The following RORA variants were observed in gnomAD, a reference collection of about 807,000 sequenced individuals.
RORA encodes nuclear receptor ROR-alpha.
Under a neutral mutation model 69.5 loss-of-function variants are expected in RORA, and 7 were observed. The observed-to-expected ratio is 0.10, with a 90% confidence interval of 0.06 to 0.19. The LOEUF is 0.19. Among genes scored for constraint, RORA ranks in the 10% least tolerant of loss-of-function variants. The pLI, the probability that RORA is intolerant of heterozygous loss-of-function variation, is 1.00. For synonymous variants in RORA, 261 were observed against 240.8 expected (o/e 1.08, Z -0.78); for missense variants, 457 against 663.0 (o/e 0.69, Z 3.41).
chr15:60,842,027 C>T (rs1045502016), intron 1 of RORA, among the ~76,000 whole-genome samples: 4 of 152,048 alleles, frequency 2.6e-5, no homozygotes, highest in African/African-American at 7.2e-5. Flanking sequence ...ATCACGGATG[C>T]CTTCTCAAAA....
chr15:60,581,955 G>A, intron 2 of RORA, among the ~76,000 whole-genome samples: 1 of 152,086 alleles, frequency 6.6e-6, no homozygotes, highest in East Asian at 1.9e-4. Flanking sequence ...CAATTTCTTT[G>A]GGTTCCTGGC....
intron 1 of RORA, among the ~76,000 whole-genome samples, chr15:61,179,701 T>C (rs1360363005): frequency 6.6e-6 from 1 of 152,164 alleles, no homozygotes; most frequent in Non-Finnish European, 1.5e-5. Context: ...ATGGACAAAC[T>C]GATGGATTAA....
chr15:61,134,132 C>T (rs755606161), intron 1 of RORA, among the ~76,000 whole-genome samples: 6 of 152,134 alleles, frequency 3.9e-5, no homozygotes, highest in South Asian at 2.1e-4. Flanking sequence ...GGATGAGCAC[C>T]CTGATTTAGC....
At chr15:60,659,140 T>A (rs1191148795) in intron 2 of RORA, among the ~76,000 whole-genome samples, 26 of 152,348 alleles carry the variant, frequency 1.7e-4, no homozygotes, top group Non-Finnish European at 7.4e-5. Flanking sequence ...GGGGCCACAC[T>A]ACCTGAAATG....
At chr15:61,093,077 G>A (rs1186218674) in intron 1 of RORA, among the ~76,000 whole-genome samples, 1 of 152,094 alleles carries the variant, frequency 6.6e-6, no homozygotes, top group Non-Finnish European at 1.5e-5. Flanking sequence ...CGTTCTCCTG[G>A]ACTTCTGAAG....
In RORA at chr15:60,492,446, T is replaced by C. The variant is rs1372390378; in HGVS notation, c.*5009A>G. 6.6e-6 allele frequency: 1 copy of C among 152,188 alleles called. No individual in the cohort carries two copies. The highest frequency in any genetic ancestry group is 1.5e-5 in the Non-Finnish European group (1 of 68,010). 9.4% of individuals were successfully genotyped at this position (152,188 alleles called of 1,614,324 possible). On this transcript the variant is annotated 3_prime_UTR_variant, in exon 11 of 11. Coordinates refer to ENST00000335670, the MANE Select transcript of RORA (RefSeq NM_134261.3). ...ATGTAGAAGTAAGAATTGTTTTCCATGAAGGAATTTTTGGTTTGCTTCTAG... is the reference window on the plus strand; with the variant it reads ...ATGTAGAAGTAAGAATTGTTTTCCACGAAGGAATTTTTGGTTTGCTTCTAG...
chr15:60,521,818 T>C (rs1231548057), intron 3 of RORA, among the ~76,000 whole-genome samples: 2 of 152,204 alleles, frequency 1.3e-5, no homozygotes, highest in African/African-American at 4.8e-5. Flanking sequence ...AGTCCCTACA[T>C]ATCCACCTTT....
intron 2 of RORA, among the ~76,000 whole-genome samples, chr15:60,610,008 C>T (rs919370611): frequency 8.5e-5 from 13 of 152,090 alleles, no homozygotes; most frequent in East Asian, 1.9e-4. Flanking sequence ...AATTGCAGCT[C>T]GAGAGAGCCG....
At chr15:60,539,170 T>G (rs1330503816) in intron 2 of RORA, among the ~76,000 whole-genome samples, 1 of 152,196 alleles carries the variant, frequency 6.6e-6, no homozygotes, top group African/African-American at 2.4e-5. Flanking sequence ...GAATGTCCCA[T>G]CTGAATTAAG....
rs1407349984 is a variant in RORA, at chr15:60,963,421, T to A, written c.166+265632A>T. Among the ~76,000 whole-genome samples the A allele has an allele frequency of 2.6e-5, 4 of 152,196 alleles. No homozygotes were observed. The East Asian group carries it at 7.7e-4, about 29-fold the overall frequency. On this transcript the variant is annotated intron_variant, in intron 1 of 10. Transcript: ENST00000335670. The stretch of plus-strand genomic sequence containing the variant: ...TGATGGAGGTGGATGATGGAAGCAA[T>A]GGTTGAAAAGGGCCAAGTCTGCAGG...
At chr15:60,816,921 T>A (rs2072825885) in intron 1 of RORA, among the ~76,000 whole-genome samples, 1 of 152,192 alleles carries the variant, frequency 6.6e-6, no homozygotes, top group African/African-American at 2.4e-5. Context: ...TAAATGATAC[T>A]TTTTTCTGTT....
intron 1 of RORA, among the ~76,000 whole-genome samples, chr15:61,084,230 C>A (rs1196685134): frequency 6.6e-6 from 1 of 152,192 alleles, no homozygotes; most frequent in Non-Finnish European, 1.5e-5. Context: ...CTGTTTGGTT[C>A]TTTGGGAAAG....
intron 1 of RORA, among the ~76,000 whole-genome samples, chr15:61,116,926 C>A (rs1047226652): frequency 6.6e-6 from 1 of 152,140 alleles, no homozygotes; most frequent in African/African-American, 2.4e-5. Flanking sequence ...ATCTGGTTTA[C>A]GCTCACTTAA....
intron 1 of RORA, among the ~76,000 whole-genome samples, chr15:60,921,600 G>A (rs1376858059): frequency 2.0e-5 from 3 of 152,196 alleles, no homozygotes; most frequent in East Asian, 3.8e-4. Context: ...GGGTATAGGC[G>A]ATGTGTTCAC....
At chr15:61,008,337 G>A (rs1173506988) in intron 1 of RORA, among the ~76,000 whole-genome samples, 15 of 151,800 alleles carry the variant, frequency 9.9e-5, no homozygotes, top group Admixed American at 9.9e-4. Flanking sequence ...ACTTTATTGG[G>A]TTTAAGGGGG....
chr15:61,104,888 A>C (rs1450605128), intron 1 of RORA, among the ~76,000 whole-genome samples: 1 of 151,754 alleles, frequency 6.6e-6, no homozygotes, highest in Admixed American at 6.6e-5. Context: ...CCCATACTGA[A>C]CCATCTGATG....
At chr15:60,782,698 TAAAACATTTTTAATGAGTAGTAAGAGA>T (rs2140340146) in intron 1 of RORA, among the ~76,000 whole-genome samples, 1 of 152,282 alleles carries the variant, frequency 6.6e-6, no homozygotes, top group African/African-American at 2.4e-5. Context: ...AATGTGGCCC[TAAAACATTTTTAATGAGTAGTAAGAGA>T]TAAGTGAACA....
intron 5 of RORA, chr15:60,510,417 C>T (rs899461340): frequency 2.0e-5 from 3 of 152,186 alleles, no homozygotes; most frequent in African/African-American, 7.2e-5. Flanking sequence ...GGTCACATCT[C>T]CCAAGAAGCA....
chr15:61,162,724 C>T (rs1383900038), intron 1 of RORA, among the ~76,000 whole-genome samples: 2 of 152,262 alleles, frequency 1.3e-5, no homozygotes, highest in East Asian at 1.9e-4. Context: ...GCAAAAGAGC[C>T]GAGACCATAA....
Sources: gnomAD v4.1 joint callset for allele counts (sites outside exome capture counted in the v4.1 genomes callset) on GRCh38, gnomAD v4.1.1 for gene constraint, MANE v1.5 for transcripts, NCBI Gene and HGNC (gene_info 2026-07-23, HGNC 2026-07-21) for gene names.